Variants in OR1L8 observed in about 807,000 individuals in gnomAD.
OR1L8 encodes olfactory receptor family 1 subfamily L member 8, also known as olfactory receptor 1L8.
For synonymous variants in OR1L8, 148 were observed against 147.0 expected, an observed-to-expected ratio of 1.01 and a Z score of -0.05; for missense variants, 330 against 377.4, an observed-to-expected ratio of 0.87 and a Z score of 1.04.
chr9:122,571,886 A>T (rs1829559732), intron 4 of OR1L8, among the ~76,000 whole-genome samples: 1 of 152,140 alleles, frequency 6.6e-6, no homozygotes, highest in African/African-American at 2.4e-5. Context: ...GTATTAGTCT[A>T]TTCTTACACT....
chr9:122,551,682 G>A, the OR1L8 span, among the ~76,000 whole-genome samples: 1 of 152,096 alleles, frequency 6.6e-6, no homozygotes, highest in Non-Finnish European at 1.5e-5. Flanking sequence ...CTGGGAAAGA[G>A]AGGTCCTCAG....
the OR1L8 span, among the ~76,000 whole-genome samples, chr9:122,559,898 C>G: frequency 1.3e-5 from 2 of 152,154 alleles, no homozygotes; most frequent in Non-Finnish European, 2.9e-5. Context: ...AATTTTCTGT[C>G]TCATTGATCA....
At chr9:122,581,611 A>ATGGCACTCGCTTACCTC (rs1432568812) in intron 1 of OR1L8, among the ~76,000 whole-genome samples, 1,692 of 152,224 alleles carry the variant, frequency 0.011, 25 homozygotes, top group African/African-American at 0.038. Context: ...TACCAAGAAA[A>ATGGCACTCGCTTACCTC]TGTGAATTCA....
At chr9:122,550,743 T>C in the OR1L8 span, among the ~76,000 whole-genome samples, 46 of 151,982 alleles carry the variant, frequency 3.0e-4, no homozygotes, top group East Asian at 8.1e-3. Flanking sequence ...CTAGAAGGAA[T>C]ATACCTAAAT....
At chr9:122,564,806 C>G (rs1169775975), downstream of OR1L8, among the ~76,000 whole-genome samples, 1 of 152,220 alleles carries the variant, frequency 6.6e-6, no homozygotes, top group Non-Finnish European at 1.5e-5. Context: ...TTTCAGCTGG[C>G]AGGGCCAGCA....
the OR1L8 span, among the ~76,000 whole-genome samples, chr9:122,557,252 A>G: frequency 5.5e-4 from 84 of 152,242 alleles, no homozygotes; most frequent in African/African-American, 1.9e-3. Flanking sequence ...GACTTTCAGT[A>G]TGATATTCAA....
At position 122,567,340 on chromosome 9, in the gene OR1L8, G is replaced by A. The variant is rs1829445958; in HGVS notation, c.*208C>T. On this transcript the variant is annotated 3_prime_UTR_variant, in exon 5 of 5. Transcript: ENST00000641027. ...AAAAAATAAATCTTTCCAAGAAAGAGGAGACACAGACAGGAAACGATTGTG... is the reference window on the plus strand; with the variant it reads ...AAAAAATAAATCTTTCCAAGAAAGAAGAGACACAGACAGGAAACGATTGTG... The A allele has an allele frequency of 2.3e-6, 1 of 432,158 alleles. No individual in the cohort carries two copies. The highest frequency in any genetic ancestry group is 3.8e-5 in the Admixed American group (1 of 26,000). 26.8% of individuals were successfully genotyped at this position (432,158 alleles called of 1,614,324 possible).
At chr9:122,560,087 CTTGT>C in the OR1L8 span, among the ~76,000 whole-genome samples, 2 of 151,998 alleles carry the variant, frequency 1.3e-5, no homozygotes, top group South Asian at 2.1e-4. Context: ...ATATAATGCC[CTTGT>C]TTGTCTTTTT....
At chr9:122,580,826 A>AGC (rs1238183916) in intron 1 of OR1L8, among the ~76,000 whole-genome samples, 1 of 151,674 alleles carries the variant, frequency 6.6e-6, no homozygotes, top group Non-Finnish European at 1.5e-5. Context: ...TCTAGGCTGA[A>AGC]GCTACTACAC....
the OR1L8 span, among the ~76,000 whole-genome samples, chr9:122,562,030 C>T: frequency 6.6e-6 from 1 of 152,192 alleles, no homozygotes; most frequent in Non-Finnish European, 1.5e-5. Flanking sequence ...CCTTGAGCCC[C>T]TGGCGGGAGT....
chr9:122,553,979 G>C, the OR1L8 span: 3 of 1,613,350 alleles, frequency 1.9e-6, no homozygotes, highest in African/African-American at 2.7e-5. Flanking sequence ...TCTTCTATGG[G>C]TCTCTTATGG....
At chr9:122,566,859 A>G (rs191498446), downstream of OR1L8, among the ~76,000 whole-genome samples, 296 of 152,086 alleles carry the variant, frequency 1.9e-3, 2 homozygotes, top group African/African-American at 6.6e-3. Context: ...AAATGTTTCA[A>G]CCTCCCCTGT....
chr9:122,568,327 G>A lies in OR1L8; in HGVS notation c.151C>T (p.Arg51Cys), dbSNP rs114617967. Residue 51 changes from arginine (R) to cysteine (C), a missense_variant, in exon 5 of 5, where the codon CGC becomes TGC. Arg to Cys is a radical substitution (Grantham distance 180). Coordinates refer to ENST00000641027, the MANE Select transcript of OR1L8 (RefSeq NM_001004454.2). ...TGNLLIILAI[R>C]FNPHLQTPMY... is the part of the protein sequence containing the mutation. ...GGGGTCTGAAGATGGGGGTTGAAGCGAATGGCCAGGATGATGAGCAGGTTC... is the reference window on the plus strand; with the variant it reads ...GGGGTCTGAAGATGGGGGTTGAAGCAAATGGCCAGGATGATGAGCAGGTTC... The A allele has an allele frequency of 6.0e-4, 962 of 1,614,084 alleles. 10 individuals carry two copies. The African/African-American group carries it at 0.011, about 19-fold the overall frequency.
chr9:122,566,843 CAG>C (rs1382015450), downstream of OR1L8, among the ~76,000 whole-genome samples: 3 of 152,058 alleles, frequency 2.0e-5, no homozygotes, highest in Non-Finnish European at 2.9e-5. Context: ...GAAGGTGAAC[CAG>C]AAGAAATGTT....
chr9:122,569,328 G>A lies in OR1L8; in HGVS notation c.-212-639C>T, dbSNP rs188011501. The stretch of plus-strand genomic sequence containing the variant: ...AATCTGTTTTTAATTTATCTTTTAC[G>A]TGTTAAAAATATATATGAGAAACAT... On this transcript the variant is annotated intron_variant, in intron 4 of 4. Coordinates refer to ENST00000641027, the MANE Select transcript of OR1L8 (RefSeq NM_001004454.2). 4.8e-4 allele frequency among the ~76,000 whole-genome samples: 73 copies of A among 151,872 alleles called. No individual in the cohort carries two copies. The East Asian group carries it at 7.5e-3, about 16-fold the overall frequency.
At chr9:122,577,186 T>G (rs1480533589) in intron 2 of OR1L8, among the ~76,000 whole-genome samples, 2 of 152,240 alleles carry the variant, frequency 1.3e-5, no homozygotes, top group African/African-American at 4.8e-5. Context: ...GTCTTTTTTT[T>G]AACCTCTAAA....
the OR1L8 span, among the ~76,000 whole-genome samples, chr9:122,555,740 T>C: frequency 6.6e-6 from 1 of 152,204 alleles, no homozygotes; most frequent in African/African-American, 2.4e-5. Flanking sequence ...TTTACTCTTT[T>C]AGAGCTGTTT....
the OR1L8 span, among the ~76,000 whole-genome samples, chr9:122,550,845 G>A: frequency 0.3 from 45,677 of 150,882 alleles, 7,425 homozygotes; most frequent in East Asian, 0.54. Context: ...AGAGAAAGAC[G>A]AAGATGACCA....
chr9:122,559,387 T>G, the OR1L8 span, among the ~76,000 whole-genome samples: 1 of 152,086 alleles, frequency 6.6e-6, no homozygotes, highest in South Asian at 2.1e-4. Flanking sequence ...TGTGCCATAG[T>G]GGTTTGTTGC....
Sources: gnomAD v4.1 joint callset for allele counts (sites outside exome capture counted in the v4.1 genomes callset) on GRCh38, gnomAD v4.1.1 for gene constraint, MANE v1.5 for transcripts, NCBI Gene and HGNC (gene_info 2026-07-23, HGNC 2026-07-21) for gene names.